Variants in MAB21L3 observed in about 807,000 individuals in gnomAD.
MAB21L3 encodes protein mab-21-like 3.
Under a neutral mutation model 37.7 loss-of-function variants are expected in MAB21L3, and 36 were observed. The ratio of observed to expected loss-of-function variants is 0.96; its 90% confidence interval spans 0.73 to 1.26. MAB21L3 has a LOEUF of 1.26. Among genes scored for constraint, MAB21L3 ranks in the 50% most tolerant of loss-of-function variants. The pLI, the probability that MAB21L3 is intolerant of heterozygous loss-of-function variation, is 0.00. For missense variants in MAB21L3, 430 were observed against 447.3 expected (o/e 0.96, Z 0.35); for synonymous variants, 186 against 176.8 (o/e 1.05, Z -0.41).
rs1660206249 is a variant in MAB21L3 at position 116,136,696 on chromosome 1, G to A, written c.*3331G>A. Among the ~76,000 whole-genome samples, 1 of 152,152 alleles carries A rather than the reference G, an allele frequency of 6.6e-6. No homozygotes were observed. The highest frequency in any genetic ancestry group is 1.5e-5 in the Non-Finnish European group (1 of 68,048). On this transcript the variant is annotated 3_prime_UTR_variant, in exon 8 of 8. Coordinates refer to ENST00000369500, the MANE Select transcript of MAB21L3 (RefSeq NM_152367.3). ...ATTCTAAGCCAAAAGAACAAAGCTG[G>A]AGGCATCACACTACCTGACTTCAAA...
chr1:116,115,265 A>G (rs1346845776), intron 3 of MAB21L3, among the ~76,000 whole-genome samples: 2 of 152,224 alleles, frequency 1.3e-5, no homozygotes, highest in Non-Finnish European at 2.9e-5. Context: ...AGCTTCTGCT[A>G]CATTTGGGGG....
chr1:116,113,494 C>T lies in MAB21L3; in HGVS notation c.48+831C>T, dbSNP rs550291692. Among the ~76,000 whole-genome samples, 155 of 152,050 alleles carry T rather than the reference C, an allele frequency of 1.0e-3. 1 individual carries two copies. The highest frequency in any genetic ancestry group is 1.5e-3 in the Non-Finnish European group (104 of 67,950). ...AAGAGATATTGGCTGGCATTTTTTT[C>T]GTGGGTCCTGTATTTTTTGTAAGAA... On this transcript the variant is annotated intron_variant, in intron 3 of 7. Coordinates refer to ENST00000369500, the MANE Select transcript of MAB21L3 (RefSeq NM_152367.3).
intron 3 of MAB21L3, among the ~76,000 whole-genome samples, chr1:116,119,312 A>G (rs1659676687): frequency 6.6e-6 from 1 of 152,172 alleles, no homozygotes; most frequent in Non-Finnish European, 1.5e-5. Flanking sequence ...AACTGACCCT[A>G]TATGTGATAT....
At position 116,128,306 on chromosome 1, in the gene MAB21L3, G is replaced by C. The variant is rs201883264; in HGVS notation, c.822G>C (p.Gly274=). 1.3e-5 allele frequency: 21 copies of C among 1,613,380 alleles called. No individual in the cohort carries two copies. Among genetic ancestry groups the C allele is most frequent in the Non-Finnish European group, 1.7e-5 (20 of 1,179,936 alleles). The change falls in exon 7 of 8, where the codon GGG becomes GGC. Residue 274 remains glycine, a synonymous_variant. Transcript: ENST00000369500. Reference sequence around the variant, plus strand: ...TGAAGGAGGACATCTGGTGCCCAGGGAACAGGCCGGTTATCACGTCCCACC... The same window carrying C: ...TGAAGGAGGACATCTGGTGCCCAGGCAACAGGCCGGTTATCACGTCCCACC... ...RHLKEDIWCP[G]NRPVITSHHL... is the part of the protein sequence containing the mutation.
At chr1:116,114,155 A>G (rs1340159256) in intron 3 of MAB21L3, among the ~76,000 whole-genome samples, 6 of 152,232 alleles carry the variant, frequency 3.9e-5, no homozygotes, top group Admixed American at 3.3e-4. Flanking sequence ...GAGTTTGTAT[A>G]TTAACTCCTG....
Position 116,133,587 on chromosome 1 carries a change from A to T in MAB21L3, c.*222A>T. On this transcript the variant is annotated 3_prime_UTR_variant, in exon 8 of 8. Transcript: ENST00000369500. ...CCAGCAAGCATTTCTGCCCTAGCTA[A>T]TTCTCCTGGAGACAGCTCTCATCAG... The T allele has an allele frequency of 3.4e-6, 2 of 588,994 alleles. No individual in the cohort carries two copies. The highest frequency in any genetic ancestry group is 6.0e-6 in the Non-Finnish European group (2 of 330,994). 36.5% of individuals were successfully genotyped at this position (588,994 alleles called of 1,614,324 possible). A position where few individuals can be genotyped will look rare whatever the true frequency, so the allele number is the denominator to read the frequency against.
chr1:116,112,750 T>A, intron 3 of MAB21L3, 87 bp downstream of exon 3: 1 of 1,386,726 alleles, frequency 7.2e-7, no homozygotes, highest in Non-Finnish European at 1.0e-6. Context: ...GATCTCAGGC[T>A]CTTTCTAAAG....
intron 7 of MAB21L3, among the ~76,000 whole-genome samples, chr1:116,131,145 GT>G: frequency 6.6e-6 from 1 of 152,292 alleles, no homozygotes; most frequent in Middle Eastern, 3.4e-3. Flanking sequence ...CTCTCATAAA[GT>G]TTATAATCCA....
rs1161956476 is a variant in MAB21L3 at position 116,138,032 on chromosome 1, G to C, written c.*4667G>C. Among the ~76,000 whole-genome samples the C allele has an allele frequency of 6.7e-6, 1 of 149,684 alleles. No individual in the cohort carries two copies. Among genetic ancestry groups the C allele is most frequent in the Non-Finnish European group, 1.5e-5 (1 of 67,572 alleles). Reference sequence around the variant, plus strand: ...AGATATACCTAATGCTAGATGACGAGTTAGTGGGTGCAGCGCACCAGCATG... The same window carrying C: ...AGATATACCTAATGCTAGATGACGACTTAGTGGGTGCAGCGCACCAGCATG... On this transcript the variant is annotated 3_prime_UTR_variant, in exon 8 of 8. Coordinates refer to ENST00000369500, the MANE Select transcript of MAB21L3 (RefSeq NM_152367.3).
intron 4 of MAB21L3, among the ~76,000 whole-genome samples, chr1:116,122,852 G>A (rs192765440): frequency 1.1e-3 from 164 of 152,324 alleles, no homozygotes; most frequent in African/African-American, 3.8e-3. Context: ...GAATTCACAT[G>A]AAAGTGAATT....
rs979772319 is a variant in MAB21L3 at position 116,136,250 on chromosome 1, T to C, written c.*2885T>C. Reference sequence around the variant, plus strand: ...AACCCCATTGTCTCAGCCCAAAATCTCCTTAAGCTGATAAGCAACTTCAGC... The same window carrying C: ...AACCCCATTGTCTCAGCCCAAAATCCCCTTAAGCTGATAAGCAACTTCAGC... On this transcript the variant is annotated 3_prime_UTR_variant, in exon 8 of 8. Coordinates refer to ENST00000369500, the MANE Select transcript of MAB21L3 (RefSeq NM_152367.3). 2.0e-5 allele frequency among the ~76,000 whole-genome samples: 3 copies of C among 151,918 alleles called. No individual in the cohort carries two copies. Among genetic ancestry groups the C allele is most frequent in the African/African-American group, 4.8e-5 (2 of 41,312 alleles).
intron 5 of MAB21L3, among the ~76,000 whole-genome samples, chr1:116,125,496 C>T (rs1303628677): frequency 1.3e-5 from 2 of 152,172 alleles, no homozygotes; most frequent in African/African-American, 2.4e-5. Context: ...TTAAAAAGAA[C>T]AGGCATATGC....
chr1:116,112,558 T>C lies in MAB21L3; in HGVS notation c.-58T>C, dbSNP rs1281779116. 75 of 1,511,908 alleles carry C rather than the reference T, an allele frequency of 5.0e-5. No homozygotes were observed. The highest frequency in any genetic ancestry group is 8.5e-5 in the Admixed American group (5 of 58,900). The allele number at this position is 1,511,908 out of a possible 1,614,324, so 93.7% of individuals were successfully genotyped here. Reference sequence around the variant, plus strand: ...ATCTACTCACAAGTGTTGCACTCCATTGAGAAAAAAAAAAAAACCAGGAAG... The same window carrying C: ...ATCTACTCACAAGTGTTGCACTCCACTGAGAAAAAAAAAAAAACCAGGAAG... On this transcript the variant is annotated 5_prime_UTR_variant, in exon 3 of 8. Coordinates refer to ENST00000369500, the MANE Select transcript of MAB21L3 (RefSeq NM_152367.3).
chr1:116,131,860 T>C (rs1324733343), intron 7 of MAB21L3, among the ~76,000 whole-genome samples: 1 of 152,014 alleles, frequency 6.6e-6, no homozygotes, highest in Non-Finnish European at 1.5e-5. Context: ...TCCAGTGAGA[T>C]GTGGAGGCAG....
chr1:116,121,333 C>T (rs894832853), intron 4 of MAB21L3, among the ~76,000 whole-genome samples: 1 of 152,084 alleles, frequency 6.6e-6, no homozygotes, highest in Non-Finnish European at 1.5e-5. Context: ...TGAGACCAGC[C>T]TGGGCAATGT....
intron 6 of MAB21L3, 89 bp from the exon 7 acceptor site, chr1:116,128,056 C>A: frequency 7.2e-7 from 1 of 1,397,982 alleles, no homozygotes; most frequent in Non-Finnish European, 9.7e-7. Context: ...GTGACAAGTT[C>A]CCCAGACCAG....
At chr1:116,115,648 T>G (rs1659568230) in intron 3 of MAB21L3, among the ~76,000 whole-genome samples, 1 of 152,226 alleles carries the variant, frequency 6.6e-6, no homozygotes, top group Non-Finnish European at 1.5e-5. Context: ...ACCACCACTC[T>G]GTCTCCATTG....
intron 7 of MAB21L3, among the ~76,000 whole-genome samples, chr1:116,132,910 T>C (rs1368072151): frequency 2.6e-5 from 4 of 151,984 alleles, no homozygotes; most frequent in Admixed American, 2.6e-4. Context: ...ATTGGAAATG[T>C]TGGAGGAGAG....
In MAB21L3 at chr1:116,137,941, T is replaced by G. The variant is rs1315718105; in HGVS notation, c.*4576T>G. ...TGAACAATGAGAACACATGGACACA[T>G]TAAGGGTAACATCACACTCTGGGGA... is the stretch of plus-strand genomic sequence containing the variant. On this transcript the variant is annotated 3_prime_UTR_variant, in exon 8 of 8. Transcript: ENST00000369500. Among the ~76,000 whole-genome samples, 1 of 131,646 alleles carries G rather than the reference T, an allele frequency of 7.6e-6. No individual in the cohort carries two copies. The highest frequency in any genetic ancestry group is 2.9e-5 in the African/African-American group (1 of 34,444). 86.4% of individuals were successfully genotyped at this position (131,646 alleles called of 152,430 possible). A position where few individuals can be genotyped will look rare whatever the true frequency, so the allele number is the denominator to read the frequency against.
Sources: gnomAD v4.1 joint callset for allele counts (sites outside exome capture counted in the v4.1 genomes callset) on GRCh38, gnomAD v4.1.1 for gene constraint, MANE v1.5 for transcripts, NCBI Gene and HGNC (gene_info 2026-07-23, HGNC 2026-07-21) for gene names.